PPARD: variants seen among roughly 807,000 people sequenced by gnomAD.
PPARD encodes the protein peroxisome proliferator activated receptor delta.
In PPARD, 6 loss-of-function variants were observed where a neutral mutation model predicts 39.5. The ratio of observed to expected loss-of-function variants is 0.15; its 90% CI spans 0.08 to 0.30. PPARD has a LOEUF of 0.30. Ranked by LOEUF, PPARD falls within the 10% of genes least tolerant of loss-of-function variation. PPARD has a pLI of 1.00. For missense variants in PPARD, 397 were observed against 596.8 expected (o/e 0.67, Z 3.49); for synonymous variants, 210 against 231.3 (o/e 0.91, Z 0.83).
intron 2 of PPARD, among the ~76,000 whole-genome samples, chr6:35,359,410 GA>G (rs1554203442): frequency 6.6e-6 from 1 of 152,106 alleles, no homozygotes; most frequent in Non-Finnish European, 1.5e-5. Flanking sequence ...AGAAGAGGGG[GA>G]AAAAGCAGCC....
intron 3 of PPARD, among the ~76,000 whole-genome samples, chr6:35,419,524 C>G (rs532647546): frequency 6.6e-6 from 1 of 152,330 alleles, no homozygotes; most frequent in East Asian, 1.9e-4. Context: ...TGACTGATAC[C>G]TAAGCTGTTC....
Position 35,370,437 on chromosome 6 carries a change from G to A in PPARD, c.-102+23287G>A, listed in dbSNP as rs779933181. On this transcript the variant is annotated intron_variant, in intron 2 of 7. Coordinates refer to ENST00000360694, the MANE Select transcript of PPARD (RefSeq NM_006238.5). ...GCTGATTGGAGTGCCTTTTGAAGTC[G>A]TCAGGAGAGATGTCACTCTGGAAGT... Among the ~76,000 whole-genome samples the A allele has an allele frequency of 2.9e-4, 44 of 152,166 alleles. 1 individual carries two copies. The highest frequency in any genetic ancestry group is 6.5e-4 in the Admixed American group (10 of 15,276).
At chr6:35,369,559 C>A (rs1053187998) in intron 2 of PPARD, among the ~76,000 whole-genome samples, 3 of 152,192 alleles carry the variant, frequency 2.0e-5, no homozygotes, top group Non-Finnish European at 4.4e-5. Flanking sequence ...TGGGATCATA[C>A]AATATGTGAT....
chr6:35,350,612 C>CT (rs959545502), intron 2 of PPARD, among the ~76,000 whole-genome samples: 8,971 of 104,570 alleles, frequency 0.086, 1,091 homozygotes, highest in African/African-American at 0.25. Flanking sequence ...GTCTATGTGT[C>CT]TTTTTTTTTT....
intron 2 of PPARD, chr6:35,397,646 C>T (rs942227596): frequency 2.8e-6 from 2 of 718,020 alleles, no homozygotes; most frequent in African/African-American, 3.9e-5. Flanking sequence ...TCCTCTGATA[C>T]TTGAGGGTTA....
intron 2 of PPARD, among the ~76,000 whole-genome samples, chr6:35,376,889 G>A (rs527686599): frequency 4.6e-5 from 7 of 152,140 alleles, no homozygotes; most frequent in East Asian, 1.9e-4. Context: ...GTGAGGTGGT[G>A]GGTGCCTGTA....
intron 2 of PPARD, among the ~76,000 whole-genome samples, chr6:35,368,028 C>T (rs947367998): frequency 1.8e-4 from 27 of 152,242 alleles, no homozygotes; most frequent in African/African-American, 6.3e-4. Flanking sequence ...GACTCACAGT[C>T]TGTCATGCCA....
intron 2 of PPARD, among the ~76,000 whole-genome samples, chr6:35,374,634 G>A (rs1762696002): frequency 6.6e-6 from 1 of 150,402 alleles, no homozygotes; most frequent in Admixed American, 6.6e-5. Flanking sequence ...CTCCAGCCTG[G>A]GCGACAGAGC....
At position 35,380,475 on chromosome 6, in the gene PPARD, TG is replaced by T. The variant is rs1562190340; in HGVS notation, c.-101-30511del. 3.0e-3 allele frequency among the ~76,000 whole-genome samples: 272 copies of T among 91,552 alleles called. 2 individuals are homozygous for T. The highest frequency in any genetic ancestry group is 7.5e-3 in the African/African-American group (111 of 14,802). 60.1% of individuals were successfully genotyped at this position (91,552 alleles called of 152,430 possible). A position where few individuals can be genotyped will look rare whatever the true frequency, so the allele number is the denominator to read the frequency against. ...TAACCTCGTGTTTTTTTTTTTTGTT[TG>T]TTTTTTTTTTTTTTTTTTTTTTTTT... On this transcript the variant is annotated intron_variant, in intron 2 of 7. Transcript: ENST00000360694.
chr6:35,351,513 G>A (rs73411755), intron 2 of PPARD, among the ~76,000 whole-genome samples: 12 of 151,972 alleles, frequency 7.9e-5, no homozygotes, highest in African/African-American at 2.9e-4. Context: ...GTTTTCTCTT[G>A]AAAGTTTGAT....
rs143029754 is a variant in PPARD, at chr6:35,424,376, G to A, written c.675G>A (p.Gly225=). 3 of 1,613,674 alleles carry A rather than the reference G, an allele frequency of 1.9e-6. No individual in the cohort carries two copies. The African/African-American group carries it at 4.0e-5, about 22-fold the overall frequency. The change falls in exon 7 of 8, where the codon GGG becomes GGA. Residue 225 remains glycine, a synonymous_variant. Transcript: ENST00000360694. This position sits in a 1 kb window ranked among gnomAD's most constrained non-coding sequence, Gnocchi z 7.1. ...AGACATTGTGGCAGGCAGAGAAGGGGCTGGTGTGGAAGCAGTTGGTGAATG... is the reference window on the plus strand; with the variant it reads ...AGACATTGTGGCAGGCAGAGAAGGGACTGGTGTGGAAGCAGTTGGTGAATG... ...DIETLWQAEK[G]LVWKQLVNGL...
chr6:35,346,252 C>T (rs961491246), intron 1 of PPARD, among the ~76,000 whole-genome samples: 1 of 152,186 alleles, frequency 6.6e-6, no homozygotes, highest in Non-Finnish European at 1.5e-5. Context: ...TCTCTGCAGG[C>T]TGGGAAGCTG....
chr6:35,390,544 T>A (rs1338136085), intron 2 of PPARD, among the ~76,000 whole-genome samples: 1 of 152,184 alleles, frequency 6.6e-6, no homozygotes, highest in Non-Finnish European at 1.5e-5. Context: ...TAATAGAAAT[T>A]CCCTGGAATG....
chr6:35,413,522 C>T (rs1765564119), intron 3 of PPARD, among the ~76,000 whole-genome samples: 1 of 152,064 alleles, frequency 6.6e-6, no homozygotes, highest in Non-Finnish European at 1.5e-5. Flanking sequence ...AAGACAAATA[C>T]GAATGGCCTG....
At chr6:35,382,918 TTTTA>T (rs1275626651) in intron 2 of PPARD, among the ~76,000 whole-genome samples, 17 of 152,172 alleles carry the variant, frequency 1.1e-4, no homozygotes, top group African/African-American at 3.9e-4. Context: ...TTATTGTTAT[TTTTA>T]TTATTATTAG....
intron 2 of PPARD, among the ~76,000 whole-genome samples, chr6:35,360,795 T>C (rs980254400): frequency 6.6e-6 from 1 of 152,250 alleles, no homozygotes; most frequent in African/African-American, 2.4e-5. Flanking sequence ...GATTTATTTT[T>C]AGAGAGCCTT....
rs868592128 is a variant in PPARD at position 35,367,081 on chromosome 6, G to A, written c.-102+19931G>A. Among the ~76,000 whole-genome samples the A allele has an allele frequency of 2.0e-5, 3 of 152,234 alleles. 1 individual carries two copies. Among genetic ancestry groups the A allele is most frequent in the East Asian group, 1.9e-4 (1 of 5,180 alleles). On this transcript the variant is annotated intron_variant, in intron 2 of 7. Transcript: ENST00000360694. ...TGACTGGGGAGGTGAGGTTTTGTCC[G>A]TTCCCTGGATGCTAAAAGGAAATGG... is the stretch of plus-strand genomic sequence containing the variant.
intron 2 of PPARD, among the ~76,000 whole-genome samples, chr6:35,357,433 C>T (rs944935412): frequency 2.0e-5 from 3 of 152,172 alleles, no homozygotes; most frequent in Admixed American, 6.5e-5. Flanking sequence ...CTCAGCACTC[C>T]GTTGGGGGCT....
intron 5 of PPARD, among the ~76,000 whole-genome samples, chr6:35,423,523 ACT>A (rs1275795995): frequency 1.3e-5 from 2 of 150,176 alleles, no homozygotes; most frequent in African/African-American, 4.9e-5. Flanking sequence ...ACAGAGCGAG[ACT>A]CTGTCTCAAA....
Sources: gnomAD v4.1 joint callset for allele counts (sites outside exome capture counted in the v4.1 genomes callset) on GRCh38, gnomAD v4.1.1 for gene constraint, Gnocchi (gnomAD v3.1) non-coding constraint, MANE v1.5 for transcripts, NCBI Gene and HGNC (gene_info 2026-07-23, HGNC 2026-07-21) for gene names.